Variants in PUSL1 observed in about 807,000 individuals in gnomAD.
PUSL1 encodes pseudouridine synthase like 1, also known as tRNA pseudouridine synthase-like 1.
In PUSL1, 51 loss-of-function variants were observed where a neutral mutation model predicts 30.7. The ratio of observed to expected loss-of-function variants is 1.66; its 90% CI spans 1.33 to 2.10. The LOEUF (loss-of-function observed/expected upper bound fraction) is 2.10. PUSL1 is among the 30% of genes most tolerant of loss of function. The pLI is 0.00. For missense variants in PUSL1, 609 were observed against 427.6 expected (o/e 1.42, Z -3.74); for synonymous variants, 290 against 192.1 (o/e 1.51, Z -4.21).
At chr1:1,310,538 T>C in intron 5 of PUSL1, 96 bp from the exon 6 acceptor site, 2 of 997,686 alleles carry the variant, frequency 2.0e-6, no homozygotes, top group Non-Finnish European at 1.5e-6. Context: ...GGCTCGTCTT[T>C]AGGCCCACCC....
chr1:1,309,523 G>C lies in PUSL1; in HGVS notation c.393G>C (p.Leu131=). Residue 131 remains leucine, a synonymous_variant, in exon 4 of 8, where the codon CTG becomes CTC. Coordinates refer to ENST00000379031, the MANE Select transcript of PUSL1 (RefSeq NM_153339.3). ...ARHAATSRTY[L]YRLATGCHRR... ...ACGCAGCCACGTCCCGGACCTACCT[G>C]TACCGCCTGGCCACTGGCTGTCACC... is the stretch of plus-strand genomic sequence containing the variant. 1 of 1,611,380 alleles carries C rather than the reference G, an allele frequency of 6.2e-7. No individual in the cohort carries two copies. The highest frequency in any genetic ancestry group is 8.5e-7 in the Non-Finnish European group (1 of 1,179,432).
At chr1:1,308,790 G>A in intron 1 of PUSL1, 70 bp downstream of exon 1, 1 of 1,453,592 alleles carries the variant, frequency 6.9e-7, no homozygotes, top group African/African-American at 1.5e-5. Flanking sequence ...GGCGCGGGCG[G>A]GCAGGCGGAT....
chr1:1,309,542 T>C lies in PUSL1; in HGVS notation c.412T>C (p.Cys138Arg). 6.2e-7 allele frequency: 1 copy of C among 1,611,314 alleles called. No homozygotes were observed. Residue 138 changes from cysteine to arginine, a missense_variant, in exon 4 of 8, where the codon TGT becomes CGT. Physicochemically the swap from Cys to Arg is radical, Grantham distance 180 (BLOSUM62 -3). Coordinates refer to ENST00000379031, the MANE Select transcript of PUSL1 (RefSeq NM_153339.3). ...RTYLYRLATGCHRRDELPVFE... is the reference protein window; with the variant it reads ...RTYLYRLATGRHRRDELPVFE... ...CTACCTGTACCGCCTGGCCACTGGCTGTCACCGGCGTGATGAGCTGCCGGT... is the reference window on the plus strand; with the variant it reads ...CTACCTGTACCGCCTGGCCACTGGCCGTCACCGGCGTGATGAGCTGCCGGT...
Position 1,311,279 on chromosome 1 carries a change from G to T in PUSL1, c.863-51G>T, listed in dbSNP as rs551473040. ...GGGAGTGGTCTCAGCGGTGGGGAGG[G>T]TGCTGGGCCGGTCTTGCCCCAGGCT... On this transcript the variant is annotated intron_variant, in intron 7 of 7. Transcript: ENST00000379031. 98 of 1,492,670 alleles carry T rather than the reference G, an allele frequency of 6.6e-5. No individual in the cohort carries two copies. The East Asian group carries it at 2.1e-3, about 32-fold the overall frequency. 92.5% of individuals were successfully genotyped at this position (1,492,670 alleles called of 1,614,324 possible). A position where few individuals can be genotyped will look rare whatever the true frequency, so the allele number is the denominator to read the frequency against.
chr1:1,309,559 G>A lies in PUSL1; in HGVS notation c.429G>A (p.Glu143=), dbSNP rs894731516. Residue 143 remains glutamate (E), a synonymous_variant, in exon 4 of 8, where the codon GAG becomes GAA. Coordinates refer to ENST00000379031, the MANE Select transcript of PUSL1 (RefSeq NM_153339.3). ...RLATGCHRRD[E]LPVFERNLCW... ...CCACTGGCTGTCACCGGCGTGATGA[G>A]CTGCCGGTGTTTGAACGCAACCTAT... The A allele has an allele frequency of 9.9e-6, 16 of 1,611,540 alleles. No homozygotes were observed. Among genetic ancestry groups the A allele is most frequent in the African/African-American group, 5.3e-5 (4 of 74,930 alleles).
At chr1:1,308,892 C>T (rs1641922100) in intron 1 of PUSL1, 23 bp from the exon 2 acceptor site, 9 of 1,411,470 alleles carry the variant, frequency 6.4e-6, no homozygotes, top group South Asian at 1.6e-5. Context: ...CCCCCGGTAA[C>T]CTCCGCCCGC....
At chr1:1,310,577 T>C in intron 5 of PUSL1, 57 bp from the exon 6 acceptor site, 1 of 1,339,976 alleles carries the variant, frequency 7.5e-7, no homozygotes, top group Non-Finnish European at 1.0e-6. Context: ...GGCCACATAG[T>C]AGGCTGAGGA....
chr1:1,310,557 TC>T, intron 5 of PUSL1, 76 bp from the exon 6 acceptor site: 1 of 1,180,288 alleles, frequency 8.5e-7, no homozygotes, highest in Non-Finnish European at 1.2e-6. Flanking sequence ...CCTGTCACTC[TC>T]CCGTCCAAGG....
In PUSL1 at chr1:1,311,010, C is replaced by G. The variant is rs144555782; in HGVS notation, c.801C>G (p.His267Gln). The change falls in exon 7 of 8, where the codon CAC becomes CAG. Residue 267 changes from histidine (H) to glutamine (Q), a missense_variant. Physicochemically the swap from His to Gln is conservative, Grantham distance 24. Coordinates refer to ENST00000379031, the MANE Select transcript of PUSL1 (RefSeq NM_153339.3). ...ILESQDPLGK[H>Q]QTRVAPAHGL... ...AGAGCCAAGATCCCCTGGGCAAGCA[C>G]CAGACACGTGTAGCCCCAGCCCACG... The G allele has an allele frequency of 4.0e-3, 6,444 of 1,612,832 alleles. 78 individuals carry two copies. Among genetic ancestry groups the G allele is most frequent in the Admixed American group, 0.035 (2,126 of 60,018 alleles).
intron 5 of PUSL1, chr1:1,310,363 G>A (rs974938572): frequency 1.0e-5 from 5 of 486,364 alleles, no homozygotes; most frequent in Admixed American, 7.2e-5. Context: ...CTAGGTGAGG[G>A]CCCAGGGCAA....
In PUSL1 at chr1:1,310,618, G is replaced by A. The variant is rs1557623504; in HGVS notation, c.645-16G>A. 2.6e-6 allele frequency: 4 copies of A among 1,548,404 alleles called. No homozygotes were observed. The highest frequency in any genetic ancestry group is 2.3e-5 in the East Asian group (1 of 44,274). ...AACACTGCCCCACAGACACCTACAGGTACGTATTTTTCCAGGAAGCTGCGG... is the reference window on the plus strand; with the variant it reads ...AACACTGCCCCACAGACACCTACAGATACGTATTTTTCCAGGAAGCTGCGG... On this transcript the variant is annotated splice_polypyrimidine_tract_variant and intron_variant, in intron 5 of 7. Coordinates refer to ENST00000379031, the MANE Select transcript of PUSL1 (RefSeq NM_153339.3).
chr1:1,311,310 A>G lies in PUSL1; in HGVS notation c.863-20A>G, dbSNP rs1443187977. 1.3e-6 allele frequency: 2 copies of G among 1,539,658 alleles called. No homozygotes were observed. The highest frequency in any genetic ancestry group is 2.3e-5 in the East Asian group (1 of 43,276). On this transcript the variant is annotated intron_variant, in intron 7 of 7. Coordinates refer to ENST00000379031, the MANE Select transcript of PUSL1 (RefSeq NM_153339.3). The stretch of plus-strand genomic sequence containing the variant: ...GGCCGGTCTTGCCCCAGGCTGACGC[A>G]GGGTCTGGTCCGTCCACAGGTGCTG...
chr1:1,310,269 G>C (rs537271955), intron 5 of PUSL1: 1 of 343,378 alleles, frequency 2.9e-6, no homozygotes, highest in African/African-American at 2.1e-5. Flanking sequence ...GCCAGCCCCA[G>C]ACTTCTGTGG....
chr1:1,309,694 G>A lies in PUSL1; in HGVS notation c.487G>A (p.Val163Ile). Residue 163 changes from valine (V) to isoleucine (I), a missense_variant, in exon 5 of 8, where the codon GTC (valine) becomes ATC (isoleucine). Val to Ile is a conservative substitution (Grantham distance 29). Coordinates refer to ENST00000379031, the MANE Select transcript of PUSL1 (RefSeq NM_153339.3). ...WTLPADCLDM[V>I]AMQEAAQHLL... ...TGGTCCCTGAAGCTGCCTGGATATG[G>A]TCGCCATGCAGGAAGCCGCCCAGCA... is the stretch of plus-strand genomic sequence containing the variant. 6.3e-7 allele frequency: 1 copy of A among 1,596,216 alleles called. No homozygotes were observed. The highest frequency in any genetic ancestry group is 2.3e-5 in the East Asian group (1 of 44,340).
intron 5 of PUSL1, chr1:1,310,151 G>A: frequency 2.3e-6 from 1 of 440,692 alleles, no homozygotes; most frequent in Non-Finnish European, 4.1e-6. Context: ...GTTCTGGTGG[G>A]GTGGTTTCTG....
chr1:1,311,100 G>A, intron 7 of PUSL1, 29 bp downstream of exon 7: 3 of 1,577,896 alleles, frequency 1.9e-6, no homozygotes, highest in African/African-American at 1.3e-5. Flanking sequence ...AGAAGCTCCT[G>A]TCATGTGCCC....
At chr1:1,311,252 A>G in intron 7 of PUSL1, 78 bp from the exon 8 acceptor site, 2 of 1,419,998 alleles carry the variant, frequency 1.4e-6, no homozygotes, top group Non-Finnish European at 9.4e-7. Context: ...CTCCCTGGTC[A>G]TGGGAGTGGT....
intron 3 of PUSL1, 82 bp from the exon 4 acceptor site, chr1:1,309,372 G>A (rs1038365420): frequency 6.7e-7 from 1 of 1,487,544 alleles, no homozygotes; most frequent in African/African-American, 1.4e-5. Flanking sequence ...TGTCTGGTCG[G>A]AGCTCGAGGG....
At position 1,311,559 on chromosome 1, in the gene PUSL1, C is replaced by CA. The variant is rs1557625938; in HGVS notation, c.*181dup. 1 of 737,320 alleles carries CA rather than the reference C, an allele frequency of 1.4e-6. No homozygotes were observed. The highest frequency in any genetic ancestry group is 2.7e-5 in the East Asian group (1 of 37,426). The allele number at this position is 737,320 out of a possible 1,614,324, so 45.7% of individuals were successfully genotyped here. On this transcript the variant is annotated 3_prime_UTR_variant, in exon 8 of 8. Transcript: ENST00000379031. ...GTCCCAGGCGGGATGGGGCACAGTG[C>CA]AGGACACAGCCATGTACACCAAGAA... is the stretch of plus-strand genomic sequence containing the variant.
Sources: allele counts gnomAD v4.1 joint callset, GRCh38; gene constraint gnomAD v4.1.1; transcripts MANE v1.5; gene names NCBI Gene and HGNC (gene_info 2026-07-23, HGNC 2026-07-21).